Variants in TENM3 observed in about 807,000 individuals in gnomAD.
The protein encoded by TENM3 is teneurin transmembrane protein 3.
TENM3 carries 63 observed loss-of-function variants against 255.1 expected under a neutral mutation model. That is an observed-to-expected ratio of 0.25 (90% CI 0.20 to 0.30). The LOEUF (loss-of-function observed/expected upper bound fraction) is 0.30, where lower values mean the gene tolerates loss of function less well. Among genes scored for constraint, TENM3 ranks in the 10% least tolerant of loss-of-function variants. TENM3 has a pLI of 1.00. For synonymous variants in TENM3, 1,306 were observed against 1,322.3 expected (o/e 0.99, Z 0.27); for missense variants, 2,929 against 3,461.1 (o/e 0.85, Z 3.86).
chr4:182,580,761 A>G (rs937549642), intron 3 of TENM3, among the ~76,000 whole-genome samples: 1 of 152,198 alleles, frequency 6.6e-6, no homozygotes, highest in Non-Finnish European at 1.5e-5. Context: ...TGATGGGTCA[A>G]CTTTGATTGC....
At chr4:182,289,076 A>T (rs940361270) in intron 1 of TENM3, among the ~76,000 whole-genome samples, 8 of 151,916 alleles carry the variant, frequency 5.3e-5, no homozygotes, top group Admixed American at 2.0e-4. Context: ...AAAAAAATTT[A>T]AAAATTAGCC....
the TENM3 span, among the ~76,000 whole-genome samples, chr4:181,956,733 C>T: frequency 3.3e-5 from 5 of 152,238 alleles, no homozygotes; most frequent in African/African-American, 1.2e-4. Flanking sequence ...TGATGAATGT[C>T]CCAGCCAAAA....
At chr4:182,714,832 G>C (rs1466532650) in intron 13 of TENM3, among the ~76,000 whole-genome samples, 4 of 152,192 alleles carry the variant, frequency 2.6e-5, no homozygotes, top group Non-Finnish European at 5.9e-5. Context: ...TAGAGTGAGA[G>C]TTGGTGATTT....
At chr4:182,216,177 G>A (rs537007267) in intron 1 of TENM3, among the ~76,000 whole-genome samples, 2 of 152,290 alleles carry the variant, frequency 1.3e-5, no homozygotes. Context: ...CAGCACACAG[G>A]CCTCAGAATG....
At chr4:181,945,308 C>T in the TENM3 span, among the ~76,000 whole-genome samples, 1 of 151,870 alleles carries the variant, frequency 6.6e-6, no homozygotes, top group Non-Finnish European at 1.5e-5. Context: ...TCAGAAGAGG[C>T]GAATTAAAAT....
At chr4:182,749,750 T>G (rs752463900) in intron 19 of TENM3, among the ~76,000 whole-genome samples, 8 of 152,154 alleles carry the variant, frequency 5.3e-5, no homozygotes, top group Non-Finnish European at 7.4e-5. Context: ...TCAAAAGATG[T>G]ACAACTGAGA....
intron 3 of TENM3, among the ~76,000 whole-genome samples, chr4:182,441,706 C>T (rs1295990901): frequency 6.6e-6 from 1 of 152,148 alleles, no homozygotes; most frequent in Non-Finnish European, 1.5e-5. Context: ...CTATGTTGGC[C>T]AGGCTGGTCT....
chr4:181,727,387 G>A, the TENM3 span, among the ~76,000 whole-genome samples: 2 of 152,104 alleles, frequency 1.3e-5, no homozygotes, highest in Non-Finnish European at 2.9e-5. Flanking sequence ...AGGAACCAAG[G>A]ATAAAAGACC....
chr4:182,442,443 T>A (rs1168321169), intron 3 of TENM3, among the ~76,000 whole-genome samples: 1 of 152,218 alleles, frequency 6.6e-6, no homozygotes, highest in Non-Finnish European at 1.5e-5. Context: ...CTATTGCCAC[T>A]ATAGACAACT....
chr4:181,598,541 T>C, the TENM3 span, among the ~76,000 whole-genome samples: 1 of 152,208 alleles, frequency 6.6e-6, no homozygotes, highest in Non-Finnish European at 1.5e-5. Flanking sequence ...TTTTATGATT[T>C]AATGGGACAC....
At chr4:181,893,139 A>G in the TENM3 span, among the ~76,000 whole-genome samples, 1 of 152,158 alleles carries the variant, frequency 6.6e-6, no homozygotes, top group African/African-American at 2.4e-5. Flanking sequence ...GAAGGTTTAT[A>G]TGTATTCTCA....
the TENM3 span, among the ~76,000 whole-genome samples, chr4:181,781,119 C>T: frequency 2.6e-3 from 399 of 152,138 alleles, 1 homozygote; most frequent in Middle Eastern, 0.01. Flanking sequence ...TTTTTTGGTT[C>T]CATATGAACT....
chr4:182,501,866 C>G (rs1212676093), intron 3 of TENM3, among the ~76,000 whole-genome samples: 1 of 152,028 alleles, frequency 6.6e-6, no homozygotes, highest in Non-Finnish European at 1.5e-5. Context: ...TCATTCAGCT[C>G]TTTGATTTTT....
At chr4:182,079,863 C>A in the TENM3 span, 204 of 152,448 alleles carry the variant, frequency 1.3e-3, no homozygotes, top group African/African-American at 4.1e-3. Context: ...GTCACTTCAC[C>A]TTTTACCCTC....
the TENM3 span, among the ~76,000 whole-genome samples, chr4:181,582,669 CAAAA>C: frequency 4.1e-4 from 51 of 124,736 alleles, no homozygotes; most frequent in South Asian, 3.6e-3. Flanking sequence ...CAAAACAAAT[CAAAA>C]AAAAAAAAAA....
At chr4:182,111,038 A>AT in the TENM3 span, among the ~76,000 whole-genome samples, 13 of 152,150 alleles carry the variant, frequency 8.5e-5, no homozygotes, top group African/African-American at 3.1e-4. Flanking sequence ...GGTATTCTCA[A>AT]TTTTTTAAAA....
the TENM3 span, among the ~76,000 whole-genome samples, chr4:181,546,624 G>A: frequency 2.8e-5 from 4 of 141,672 alleles, no homozygotes; most frequent in South Asian, 2.4e-4. Context: ...TGAGGCAGGA[G>A]AATGGCGTGA....
chr4:182,483,152 T>C (rs1383307931), intron 3 of TENM3, among the ~76,000 whole-genome samples: 1 of 152,206 alleles, frequency 6.6e-6, no homozygotes, highest in African/African-American at 2.4e-5. Context: ...TTGCCAAAAA[T>C]ACAAAATTGT....
chr4:182,622,295 C>G (rs1009567659), intron 4 of TENM3, among the ~76,000 whole-genome samples: 1 of 151,460 alleles, frequency 6.6e-6, no homozygotes, highest in Non-Finnish European at 1.5e-5. Flanking sequence ...TGCAGTGAGC[C>G]GAGATCACAC....
Sources: allele counts gnomAD v4.1 joint callset (sites outside exome capture counted in the v4.1 genomes callset), GRCh38; gene constraint gnomAD v4.1.1; transcripts MANE v1.5; gene names NCBI Gene and HGNC (gene_info 2026-07-23, HGNC 2026-07-21).